The following AGAP1 variants were observed in gnomAD, a reference collection of about 807,000 sequenced individuals.
AGAP1 encodes the protein ArfGAP with GTPase domain, ankyrin repeat and PH domain 1.
A neutral mutation model predicts 105.3 loss-of-function variants in AGAP1; 29 were observed. The observed-to-expected ratio is 0.28, with a 90% confidence interval of 0.21 to 0.38. The LOEUF (loss-of-function observed/expected upper bound fraction) is 0.38. Ranked by LOEUF, AGAP1 falls within the 10% of genes least tolerant of loss-of-function variation. AGAP1 has a pLI of 1.00. For missense variants in AGAP1, 998 were observed against 1,165.1 expected (o/e 0.86, Z 2.09); for synonymous variants, 509 against 485.9 (o/e 1.05, Z -0.63).
At chr2:235,921,451 T>G (rs10184261) in intron 11 of AGAP1, among the ~76,000 whole-genome samples, 1 of 152,062 alleles carries the variant, frequency 6.6e-6, no homozygotes, top group African/African-American at 2.4e-5. Flanking sequence ...TTGCCAAGTA[T>G]ATTTTAACAG....
intron 9 of AGAP1, among the ~76,000 whole-genome samples, chr2:235,808,838 T>TG (rs1957979836): frequency 6.6e-6 from 1 of 152,190 alleles, no homozygotes; most frequent in Admixed American, 6.5e-5. Flanking sequence ...ACTTTGATGA[T>TG]GGGTGGTGTT....
intron 13 of AGAP1, among the ~76,000 whole-genome samples, chr2:236,023,548 C>T (rs1254979743): frequency 6.6e-6 from 1 of 152,054 alleles, no homozygotes; most frequent in Admixed American, 6.5e-5. Context: ...GTGGTGTGTC[C>T]TAAAACAGAA....
At chr2:235,873,661 C>T (rs918504481) in intron 9 of AGAP1, among the ~76,000 whole-genome samples, 3 of 152,168 alleles carry the variant, frequency 2.0e-5, no homozygotes, top group Non-Finnish European at 4.4e-5. Flanking sequence ...CTAAGTTACC[C>T]GACTGTGGGA....
At chr2:235,653,158 T>TA (rs909162385) in intron 1 of AGAP1, among the ~76,000 whole-genome samples, 1 of 151,994 alleles carries the variant, frequency 6.6e-6, no homozygotes, top group African/African-American at 2.4e-5. Context: ...CTAACCCTCT[T>TA]ACCTTGCTAC....
intron 13 of AGAP1, among the ~76,000 whole-genome samples, chr2:236,025,710 A>G (rs148941157): frequency 2.7e-4 from 41 of 152,286 alleles, no homozygotes; most frequent in African/African-American, 9.1e-4. Flanking sequence ...GATTAGTCAG[A>G]ACTAGGTTTA....
intron 5 of AGAP1, among the ~76,000 whole-genome samples, chr2:235,749,232 T>C (rs1183620640): frequency 6.6e-6 from 1 of 150,668 alleles, no homozygotes; most frequent in African/African-American, 2.4e-5. Flanking sequence ...AAAAAAAAGC[T>C]GTCTGTGAAA....
At chr2:236,041,510 A>G (rs1576147046) in intron 15 of AGAP1, among the ~76,000 whole-genome samples, 1 of 152,290 alleles carries the variant, frequency 6.6e-6, no homozygotes, top group African/African-American at 2.4e-5. Flanking sequence ...TGTCTAATCC[A>G]TACTATTACT....
rs1054712652 is a variant in AGAP1, at chr2:236,127,292, C to T, written c.*3170C>T. 2.0e-5 allele frequency: 3 copies of T among 152,316 alleles called. No individual in the cohort carries two copies. The highest frequency in any genetic ancestry group is 2.0e-4 in the Admixed American group (3 of 15,304). The allele number at this position is 152,316 out of a possible 1,614,324, so 9.4% of individuals were successfully genotyped here. On this transcript the variant is annotated 3_prime_UTR_variant, in exon 18 of 18. Coordinates refer to ENST00000304032, the MANE Select transcript of AGAP1 (RefSeq NM_001037131.3). The surrounding 1 kb of genome is among the most constrained non-coding windows in gnomAD (Gnocchi z 6.6). ...GTTTCCCCCGCCCAGCACCCCAGTC[C>T]TGGTCCCTGGTCCCTCTCTCTGTTT...
Position 235,566,649 on chromosome 2 carries a change from T to C in AGAP1, c.163+71800T>C. 1 of 969,134 alleles carries C rather than the reference T, an allele frequency of 1.0e-6. No homozygotes were observed. The highest frequency in any genetic ancestry group is 1.8e-5 in the African/African-American group (1 of 56,968). The allele number at this position is 969,134 out of a possible 1,614,324, so 60.0% of individuals were successfully genotyped here. On this transcript the variant is annotated intron_variant, in intron 1 of 17. Coordinates refer to ENST00000304032, the MANE Select transcript of AGAP1 (RefSeq NM_001037131.3). This position sits in a 1 kb window ranked among gnomAD's most constrained non-coding sequence, Gnocchi z 5.2. ...TGTTGTATGCCTGACACCTTCCTCA[T>C]GCCGCAGGACCAGCCGGGACCGGGG... is the stretch of plus-strand genomic sequence containing the variant.
rs375972336 is a variant in AGAP1 at position 235,959,480 on chromosome 2, C to G, written c.1484-8982C>G. 2.0e-5 allele frequency among the ~76,000 whole-genome samples: 3 copies of G among 152,140 alleles called. No individual in the cohort carries two copies. Among genetic ancestry groups the G allele is most frequent in the East Asian group, 3.9e-4 (2 of 5,190 alleles). On this transcript the variant is annotated intron_variant, in intron 12 of 17. Coordinates refer to ENST00000304032, the MANE Select transcript of AGAP1 (RefSeq NM_001037131.3). The surrounding 1 kb of genome is among the most constrained non-coding windows in gnomAD (Gnocchi z 7.3). ...CCAGGGGCATTCATATTCCCGTGGCCGAGCTCAGCGCCCAGTGGACGGGAA... is the reference window on the plus strand; with the variant it reads ...CCAGGGGCATTCATATTCCCGTGGCGGAGCTCAGCGCCCAGTGGACGGGAA...
chr2:235,513,485 T>C (rs2016651), intron 1 of AGAP1, among the ~76,000 whole-genome samples: 130,481 of 147,548 alleles, frequency 0.88, 57,885 homozygotes, highest in East Asian at 0.98. Flanking sequence ...CGCGCCACTG[T>C]ACTCCAGCCT....
chr2:235,906,900 C>A lies in AGAP1; in HGVS notation c.1156-1838C>A, dbSNP rs2051332237. ...AAGGTGGACTGCTTGCCTGTCATCCCAGCTACTCGGGAGACTGAGGCAGGA... is the reference window on the plus strand; with the variant it reads ...AAGGTGGACTGCTTGCCTGTCATCCAAGCTACTCGGGAGACTGAGGCAGGA... On this transcript the variant is annotated intron_variant, in intron 10 of 17. Transcript: ENST00000304032. The surrounding 1 kb of genome is among the most constrained non-coding windows in gnomAD (Gnocchi z 5.3). Among the ~76,000 whole-genome samples the A allele has an allele frequency of 6.6e-6, 1 of 152,196 alleles. No individual in the cohort carries two copies. The highest frequency in any genetic ancestry group is 1.5e-5 in the Non-Finnish European group (1 of 68,028).
chr2:235,753,363 G>A lies in AGAP1; in HGVS notation c.673+2875G>A, dbSNP rs916883697. On this transcript the variant is annotated intron_variant, in intron 6 of 17. Transcript: ENST00000304032. The surrounding 1 kb of genome is among the most constrained non-coding windows in gnomAD (Gnocchi z 4.5). ...AGTGTCCGTTTTCATGGGCACAGGA[G>A]ATTTCCGTTCCAGTTTCGTATTATA... Among the ~76,000 whole-genome samples, 1 of 152,196 alleles carries A rather than the reference G, an allele frequency of 6.6e-6. No individual in the cohort carries two copies. The highest frequency in any genetic ancestry group is 1.5e-5 in the Non-Finnish European group (1 of 68,044).
At position 235,754,247 on chromosome 2, in the gene AGAP1, C is replaced by T. The variant is rs553639436; in HGVS notation, c.673+3759C>T. On this transcript the variant is annotated intron_variant, in intron 6 of 17. Transcript: ENST00000304032. The surrounding 1 kb of genome is among the most constrained non-coding windows in gnomAD (Gnocchi z 4.6). ...TGGGGAGGGCCTTGCAGGGGATGCA[C>T]CCAGCCAGCAGGGCCCCTGCCTGCT... is the stretch of plus-strand genomic sequence containing the variant. Among the ~76,000 whole-genome samples, 2 of 152,166 alleles carry T rather than the reference C, an allele frequency of 1.3e-5. No homozygotes were observed. Among genetic ancestry groups the T allele is most frequent in the African/African-American group, 2.4e-5 (1 of 41,440 alleles).
chr2:235,863,169 T>G (rs563727874), intron 9 of AGAP1, among the ~76,000 whole-genome samples: 1 of 152,346 alleles, frequency 6.6e-6, no homozygotes, highest in South Asian at 2.1e-4. Context: ...TGGTCCCTAC[T>G]GTCCATAAGC....
chr2:235,532,556 G>T (rs1357944919), intron 1 of AGAP1, among the ~76,000 whole-genome samples: 1 of 152,198 alleles, frequency 6.6e-6, no homozygotes, highest in Non-Finnish European at 1.5e-5. Flanking sequence ...GCAGTGGTTT[G>T]TCCAGCTTTT....
chr2:235,669,069 T>C (rs1948227530), intron 1 of AGAP1, among the ~76,000 whole-genome samples: 1 of 152,118 alleles, frequency 6.6e-6, no homozygotes, highest in Admixed American at 6.5e-5. Context: ...ATCGTAGCCA[T>C]GGAGGTTTAT....
chr2:235,644,386 C>G (rs148430445), intron 1 of AGAP1, among the ~76,000 whole-genome samples: 8 of 152,254 alleles, frequency 5.3e-5, no homozygotes, highest in Middle Eastern at 6.8e-3. Context: ...CCTGAGAGCT[C>G]TTGTTGATGT....
At chr2:235,860,054 G>A (rs768359178) in intron 9 of AGAP1, among the ~76,000 whole-genome samples, 9 of 152,146 alleles carry the variant, frequency 5.9e-5, no homozygotes, top group Admixed American at 3.3e-4. Flanking sequence ...GCTAAGTTTA[G>A]GGGCTAAACC....
Sources: gnomAD v4.1 joint callset for allele counts (sites outside exome capture counted in the v4.1 genomes callset) on GRCh38, gnomAD v4.1.1 for gene constraint, Gnocchi (gnomAD v3.1) non-coding constraint, MANE v1.5 for transcripts, NCBI Gene and HGNC (gene_info 2026-07-23, HGNC 2026-07-21) for gene names.